RAPGEF4: variants seen among roughly 807,000 people sequenced by gnomAD.
RAPGEF4 encodes RAP guanine-nucleotide-exchange factor (GEF) 4.
A neutral mutation model predicts 147.9 loss-of-function variants in RAPGEF4; 66 were observed. The observed-to-expected ratio is 0.45, with a 90% CI of 0.37 to 0.55. The LOEUF is 0.55. RAPGEF4 is among the 20% of genes least tolerant of loss of function. The pLI is 0.00. For synonymous variants in RAPGEF4, 419 were observed against 442.7 expected (o/e 0.95, Z 0.67); for missense variants, 1,071 against 1,257.3 (o/e 0.85, Z 2.24).
intron 17 of RAPGEF4, among the ~76,000 whole-genome samples, chr2:173,010,838 G>A (rs1214510781): frequency 6.6e-6 from 1 of 152,178 alleles, no homozygotes; most frequent in African/African-American, 2.4e-5. Context: ...GGAACCCTAT[G>A]TGTTGCCTCT....
intron 1 of RAPGEF4, among the ~76,000 whole-genome samples, chr2:172,788,788 G>A (rs1004831592): frequency 6.6e-6 from 1 of 152,070 alleles, no homozygotes. Context: ...CAGCTACTTG[G>A]GATGCTGAGG....
At chr2:172,793,983 C>G (rs569202064) in intron 1 of RAPGEF4, among the ~76,000 whole-genome samples, 1 of 151,886 alleles carries the variant, frequency 6.6e-6, no homozygotes, top group Admixed American at 6.6e-5. Context: ...AAAAAATTAG[C>G]TGGACGTGGT....
Position 173,048,674 on chromosome 2 carries a change from C to G in RAPGEF4, c.2908+20C>G. The G allele has an allele frequency of 6.2e-7, 1 of 1,614,074 alleles. No individual in the cohort carries two copies. Among genetic ancestry groups the G allele is most frequent in the Non-Finnish European group, 8.5e-7 (1 of 1,180,000 alleles). ...CCTTCAGTAAGTTAAGTGCTGCCAC[C>G]TCTTACAATGTAGATGTTGGTGATT... On this transcript the variant is annotated intron_variant, in intron 30 of 30. Coordinates refer to ENST00000397081, the MANE Select transcript of RAPGEF4 (RefSeq NM_007023.4).
chr2:172,785,376 C>T (rs1300997277), intron 1 of RAPGEF4, among the ~76,000 whole-genome samples: 1 of 152,068 alleles, frequency 6.6e-6, no homozygotes, highest in Admixed American at 6.6e-5. Flanking sequence ...TCTTGAGATA[C>T]TTTTTAAAAA....
At chr2:172,887,344 C>A (rs554147382) in intron 4 of RAPGEF4, among the ~76,000 whole-genome samples, 2 of 152,254 alleles carry the variant, frequency 1.3e-5, no homozygotes, top group African/African-American at 4.8e-5. Flanking sequence ...CATTTTATCA[C>A]CTCACTCATT....
chr2:172,975,831 C>T (rs754337651), intron 10 of RAPGEF4, among the ~76,000 whole-genome samples: 3 of 152,184 alleles, frequency 2.0e-5, no homozygotes, highest in Non-Finnish European at 4.4e-5. Flanking sequence ...CAACTTGTTG[C>T]TTAGGTGTTT....
At chr2:172,887,740 C>T (rs969597143) in intron 4 of RAPGEF4, among the ~76,000 whole-genome samples, 5 of 152,096 alleles carry the variant, frequency 3.3e-5, no homozygotes, top group African/African-American at 9.7e-5. Flanking sequence ...CACAGTTCCT[C>T]TGCTTGCCGA....
At chr2:173,032,717 T>C (rs1454988621) in intron 26 of RAPGEF4, among the ~76,000 whole-genome samples, 2 of 152,170 alleles carry the variant, frequency 1.3e-5, no homozygotes, top group Non-Finnish European at 2.9e-5. Context: ...TTGGAGGATA[T>C]ACAGGGACTA....
intron 4 of RAPGEF4, among the ~76,000 whole-genome samples, chr2:172,845,968 T>C (rs1316396916): frequency 2.6e-5 from 4 of 152,044 alleles, no homozygotes; most frequent in Admixed American, 1.3e-4. Context: ...AGACGGAGGG[T>C]CTTTTCAAAT....
chr2:172,897,465 C>A (rs1251513261), intron 4 of RAPGEF4, among the ~76,000 whole-genome samples: 4 of 152,066 alleles, frequency 2.6e-5, no homozygotes, highest in Admixed American at 2.6e-4. Flanking sequence ...GTGGTGTAAT[C>A]ATGGCTTACG....
At chr2:172,823,124 C>T (rs80197153) in intron 4 of RAPGEF4, among the ~76,000 whole-genome samples, 1,767 of 152,294 alleles carry the variant, frequency 0.012, 36 homozygotes, top group African/African-American at 0.038. Context: ...CCAAGGGCCT[C>T]GTTTCATCCA....
intron 4 of RAPGEF4, among the ~76,000 whole-genome samples, chr2:172,834,284 C>T (rs1209696755): frequency 6.6e-6 from 1 of 152,184 alleles, no homozygotes; most frequent in Non-Finnish European, 1.5e-5. Flanking sequence ...CTTATCATCC[C>T]AGTGCTCAAT....
Position 172,918,371 on chromosome 2 carries a change from C to CCACACACACACACACA in RAPGEF4, c.517+522_517+537dup, listed in dbSNP as rs377074360. Among the ~76,000 whole-genome samples the CCACACACACACACACA allele has an allele frequency of 4.5e-3, 616 of 137,676 alleles. 5 individuals carry two copies. Among genetic ancestry groups the CCACACACACACACACA allele is most frequent in the South Asian group, 9.9e-3 (39 of 3,926 alleles). 90.3% of individuals were successfully genotyped at this position (137,676 alleles called of 152,430 possible). A position where few individuals can be genotyped will look rare whatever the true frequency, so the allele number is the denominator to read the frequency against. ...CCTTTGTGAACTTTAGATGCTCTTACCACACACACACACACACACACACAC... is the reference window on the plus strand; with the variant it reads ...CCTTTGTGAACTTTAGATGCTCTTACCACACACACACACACACACACACACACACACACACACACAC... On this transcript the variant is annotated intron_variant, in intron 5 of 30. Transcript: ENST00000397081.
In RAPGEF4 at chr2:172,781,421, A is replaced by C. The variant is rs567121696; in HGVS notation, c.66-13604A>C. Among the ~76,000 whole-genome samples, 43 of 152,098 alleles carry C rather than the reference A, an allele frequency of 2.8e-4. No individual in the cohort carries two copies. The South Asian group carries it at 8.8e-3, about 31-fold the overall frequency. On this transcript the variant is annotated intron_variant, in intron 1 of 30. Transcript: ENST00000397081. ...CACTTTGGGAGGCCAAGGAGGGTGG[A>C]TCATTTGAACCTAGGAGTTTTAATT...
intron 3 of RAPGEF4, among the ~76,000 whole-genome samples, chr2:172,803,557 G>A (rs992102326): frequency 8.6e-5 from 13 of 151,004 alleles, no homozygotes; most frequent in African/African-American, 2.9e-4. Flanking sequence ...GATGGGAGGG[G>A]CCACCATGAA....
chr2:172,796,234 G>T (rs1258890275), intron 2 of RAPGEF4, among the ~76,000 whole-genome samples: 1 of 152,076 alleles, frequency 6.6e-6, no homozygotes, highest in Non-Finnish European at 1.5e-5. Context: ...GAGTCACAAC[G>T]TTATTGTAGA....
At chr2:172,850,018 C>T (rs886965108) in intron 4 of RAPGEF4, among the ~76,000 whole-genome samples, 20 of 152,132 alleles carry the variant, frequency 1.3e-4, no homozygotes, top group Non-Finnish European at 2.1e-4. Context: ...GAATCAAGAC[C>T]TTTGCCCTCT....
intron 6 of RAPGEF4, among the ~76,000 whole-genome samples, chr2:172,924,753 T>C (rs1685104637): frequency 6.6e-6 from 1 of 152,228 alleles, no homozygotes; most frequent in African/African-American, 2.4e-5. Context: ...ATTTCTTTTA[T>C]CCTTCAGCTT....
chr2:172,936,803 C>T (rs1249989140), intron 6 of RAPGEF4, among the ~76,000 whole-genome samples: 5 of 151,772 alleles, frequency 3.3e-5, no homozygotes, highest in East Asian at 1.9e-4. Context: ...GTGATGGCTA[C>T]GAATTCTAAA....
Sources: gnomAD v4.1 joint callset for allele counts (sites outside exome capture counted in the v4.1 genomes callset) on GRCh38, gnomAD v4.1.1 for gene constraint, MANE v1.5 for transcripts, NCBI Gene and HGNC (gene_info 2026-07-23, HGNC 2026-07-21) for gene names.